The following CSNK1G3 variants were observed in gnomAD, a reference collection of about 807,000 sequenced individuals.
CSNK1G3 encodes the protein casein kinase 1 gamma 3, also known as casein kinase I isoform gamma-3.
In CSNK1G3, 23 loss-of-function variants were observed where a neutral mutation model predicts 64.3. That is an observed-to-expected ratio of 0.36 (90% CI 0.26 to 0.51). The LOEUF (loss-of-function observed/expected upper bound fraction) is 0.51. CSNK1G3 is among the 20% of genes least tolerant of loss of function. The pLI, the probability that CSNK1G3 is intolerant of heterozygous loss-of-function variation, is 0.96. For synonymous variants in CSNK1G3, 158 were observed against 162.2 expected (o/e 0.97, Z 0.20); for missense variants, 357 against 510.5 (o/e 0.70, Z 2.90).
rs146588570 is a variant in CSNK1G3 at position 123,578,413 on chromosome 5, T to G, written c.673+2450T>G. Reference sequence around the variant, plus strand: ...GTGATTATTGTTTCTGAGATCTGTTTCATGTATTTATTGGCTATTTGTATA... The same window carrying G: ...GTGATTATTGTTTCTGAGATCTGTTGCATGTATTTATTGGCTATTTGTATA... On this transcript the variant is annotated intron_variant, in intron 6 of 12. Coordinates refer to ENST00000345990, the Ensembl canonical transcript of CSNK1G3. Among the ~76,000 whole-genome samples the G allele has an allele frequency of 2.0e-5, 3 of 152,092 alleles. No homozygotes were observed. In the East Asian group the frequency reaches 5.8e-4, roughly 29 times the overall value.
At position 123,557,711 on chromosome 5, in the gene CSNK1G3, C is replaced by T. The variant is rs1482194694; in HGVS notation, c.289+147C>T. The T allele has an allele frequency of 8.9e-6, 5 of 561,584 alleles. No individual in the cohort carries two copies. In the Admixed American group the frequency reaches 1.9e-4, roughly 21 times the overall value. 34.8% of individuals were successfully genotyped at this position (561,584 alleles called of 1,614,324 possible). A position where few individuals can be genotyped will look rare whatever the true frequency, so the allele number is the denominator to read the frequency against. ...CGTTTTCTTACTATGGTCTTAGGAT[C>T]CCTTTTTTATTTTATGACAAATTTG... is the stretch of plus-strand genomic sequence containing the variant. On this transcript the variant is annotated intron_variant, in intron 4 of 12. Coordinates refer to ENST00000345990, the Ensembl canonical transcript of CSNK1G3.
At chr5:123,534,865 A>C (rs530245001) in intron 1 of CSNK1G3, among the ~76,000 whole-genome samples, 1 of 152,266 alleles carries the variant, frequency 6.6e-6, no homozygotes, top group South Asian at 2.1e-4. Flanking sequence ...GTTGTAACAC[A>C]GTAATAGAAA....
chr5:123,567,326 C>A (rs776825693), intron 4 of CSNK1G3, among the ~76,000 whole-genome samples: 9 of 152,106 alleles, frequency 5.9e-5, no homozygotes, highest in Non-Finnish European at 1.0e-4. Flanking sequence ...TAAGGCCAGG[C>A]GTGGTGGCTC....
chr5:123,569,773 G>A (rs886197025), intron 4 of CSNK1G3, among the ~76,000 whole-genome samples: 9 of 146,752 alleles, frequency 6.1e-5, no homozygotes, highest in Non-Finnish European at 1.0e-4. Flanking sequence ...GTTTTGCTTC[G>A]TTGTACTCTT....
At chr5:123,539,065 C>G (rs2150181462) in intron 1 of CSNK1G3, among the ~76,000 whole-genome samples, 1 of 152,248 alleles carries the variant, frequency 6.6e-6, no homozygotes, top group African/African-American at 2.4e-5. Flanking sequence ...CTGGCCTGGC[C>G]TCAAGCAATC....
intron 1 of CSNK1G3, among the ~76,000 whole-genome samples, chr5:123,532,756 A>G (rs1487190417): frequency 1.3e-5 from 2 of 152,026 alleles, no homozygotes; most frequent in East Asian, 1.9e-4. Context: ...TTTTTTAGTT[A>G]TCTTTAGGAT....
At chr5:123,528,412 G>A (rs1779410634) in intron 1 of CSNK1G3, among the ~76,000 whole-genome samples, 1 of 152,038 alleles carries the variant, frequency 6.6e-6, no homozygotes, top group African/African-American at 2.4e-5. Flanking sequence ...ATTTATTTAA[G>A]GAACTTTTAA....
Position 123,614,386 on chromosome 5 carries a change from G to A in CSNK1G3, c.1262G>A (p.Arg421His), listed in dbSNP as rs776178100. 41 of 1,612,658 alleles carry A rather than the reference G, an allele frequency of 2.5e-5. No individual in the cohort carries two copies. The African/African-American group carries it at 3.1e-4, about 12-fold the overall frequency. Reference sequence around the variant, plus strand: ...CGAAGGAAAAGGAAAACCATACAGCGCCACAAATGACTCTGGACACAGACA... The same window carrying A: ...CGAAGGAAAAGGAAAACCATACAGCACCACAAATGACTCTGGACACAGACA... Residue 421 changes from arginine (R) to histidine (H), a missense_variant, in exon 13 of 13, where the codon CGC becomes CAC. Arg to His is a conservative substitution (Grantham distance 29). Transcript: ENST00000345990.
rs1795026679 is a variant in CSNK1G3, at chr5:123,604,603, C to G, written c.1087-121C>G. 9.7e-6 allele frequency: 5 copies of G among 517,724 alleles called. No individual in the cohort carries two copies. The South Asian group carries it at 1.0e-4, about 11-fold the overall frequency. 32.1% of individuals were successfully genotyped at this position (517,724 alleles called of 1,614,324 possible). A position where few individuals can be genotyped will look rare whatever the true frequency, so the allele number is the denominator to read the frequency against. ...TATTGTTTTGTGTTCCTCACATTAA[C>G]TTTCTAATTGAAATACTTTAACAAT... On this transcript the variant is annotated intron_variant, in intron 10 of 12. Coordinates refer to ENST00000345990, the Ensembl canonical transcript of CSNK1G3.
intron 1 of CSNK1G3, among the ~76,000 whole-genome samples, chr5:123,531,398 A>C (rs1031430217): frequency 2.6e-5 from 4 of 152,076 alleles, no homozygotes; most frequent in Non-Finnish European, 5.9e-5. Context: ...TGGGCCATGC[A>C]TATTAGAGAA....
chr5:123,526,862 GTGTGTGTGTGTGTGTGTGTA>G lies in CSNK1G3; in HGVS notation c.-248+14295_-248+14314del, dbSNP rs1182484029. Among the ~76,000 whole-genome samples, 38 of 120,222 alleles carry G rather than the reference GTGTGTGTGTGTGTGTGTGTA, an allele frequency of 3.2e-4. 1 individual carries two copies. In the East Asian group the frequency reaches 6.4e-3, roughly 20 times the overall value. The allele number at this position is 120,222 out of a possible 152,430, so 78.9% of individuals were successfully genotyped here. The stretch of plus-strand genomic sequence containing the variant: ...AGATTGTGTGTGTGTGTGTGTGTGT[GTGTGTGTGTGTGTGTGTGTA>G]TGAACATAATTTTTTTTTCCTTGAG... On this transcript the variant is annotated intron_variant, in intron 1 of 12. Transcript: ENST00000345990.
chr5:123,547,761 T>C (rs1782824623), intron 2 of CSNK1G3, among the ~76,000 whole-genome samples: 1 of 152,136 alleles, frequency 6.6e-6, no homozygotes, highest in Non-Finnish European at 1.5e-5. Flanking sequence ...GTGTTTTATG[T>C]ATACTTATAA....
Position 123,557,382 on chromosome 5 carries a change from C to T in CSNK1G3, c.220-113C>T, listed in dbSNP as rs944063302. The T allele has an allele frequency of 1.2e-5, 8 of 677,582 alleles. No homozygotes were observed. The Admixed American group carries it at 1.3e-4, about 11-fold the overall frequency. 42.0% of individuals were successfully genotyped at this position (677,582 alleles called of 1,614,324 possible). On this transcript the variant is annotated intron_variant, in intron 3 of 12. Coordinates refer to ENST00000345990, the Ensembl canonical transcript of CSNK1G3. ...TGAATCTAATCTTAGACAAAGATGC[C>T]TGGTAGACTATTACATAATATAGGC... is the stretch of plus-strand genomic sequence containing the variant.
intron 1 of CSNK1G3, among the ~76,000 whole-genome samples, chr5:123,513,431 C>T (rs1229988405): frequency 6.6e-6 from 1 of 151,932 alleles, no homozygotes; most frequent in African/African-American, 2.4e-5. Context: ...GTGAGTGTGC[C>T]TGTGTGTGTG....
chr5:123,615,082 T>C (rs907424693), exon 13 of CSNK1G3: 18 of 152,642 alleles, frequency 1.2e-4, no homozygotes, highest in Non-Finnish European at 1.9e-4. Flanking sequence ...GTTGCATCAC[T>C]ATGTGAAGTA....
At chr5:123,560,242 A>G (rs1329289301) in intron 4 of CSNK1G3, among the ~76,000 whole-genome samples, 1 of 152,218 alleles carries the variant, frequency 6.6e-6, no homozygotes. Flanking sequence ...TAGTATGGAT[A>G]TGGAGAAATT....
chr5:123,554,987 C>T (rs911154265), intron 3 of CSNK1G3, among the ~76,000 whole-genome samples: 2 of 152,210 alleles, frequency 1.3e-5, no homozygotes, highest in African/African-American at 2.4e-5. Context: ...TGATGCCTTA[C>T]TAAACGTTTA....
chr5:123,514,026 C>T (rs1400781670), intron 1 of CSNK1G3, among the ~76,000 whole-genome samples: 1 of 151,994 alleles, frequency 6.6e-6, no homozygotes, highest in Non-Finnish European at 1.5e-5. Context: ...TAAAAATTAC[C>T]TTTATGGACA....
chr5:123,605,474 G>A (rs1299936336), intron 12 of CSNK1G3, 112 bp downstream of exon 13: 2 of 1,136,044 alleles, frequency 1.8e-6, no homozygotes, highest in Non-Finnish European at 2.5e-6. Context: ...GATTATAATT[G>A]GTAAAAGTTA....
Sources: allele counts gnomAD v4.1 joint callset (sites outside exome capture counted in the v4.1 genomes callset), GRCh38; gene constraint gnomAD v4.1.1; transcripts MANE v1.5; gene names NCBI Gene and HGNC (gene_info 2026-07-23, HGNC 2026-07-21).